Variants in SLC35F4 observed in about 807,000 individuals in gnomAD.
The protein encoded by SLC35F4 is solute carrier family 35 member F4.
Under a neutral mutation model 44.2 loss-of-function variants are expected in SLC35F4, and 24 were observed. The ratio of observed to expected loss-of-function variants is 0.54; its 90% CI spans 0.39 to 0.76. SLC35F4 has a LOEUF of 0.76. Ranked by LOEUF, SLC35F4 falls within the 30% of genes least tolerant of loss-of-function variation. The pLI, the probability that SLC35F4 is intolerant of heterozygous loss-of-function variation, is 0.00. For synonymous variants in SLC35F4, 238 were observed against 223.6 expected, an observed-to-expected ratio of 1.06 and a Z score of -0.57; for missense variants, 562 against 586.1, an observed-to-expected ratio of 0.96 and a Z score of 0.42.
chr14:57,564,312 G>A lies in SLC35F4; in HGVS notation c.1281C>T (p.Ile427=). 6.2e-7 allele frequency: 1 copy of A among 1,612,312 alleles called. No individual in the cohort carries two copies. The highest frequency in any genetic ancestry group is 8.5e-7 in the Non-Finnish European group (1 of 1,179,248). The change falls in exon 8 of 8, where the codon ATC becomes ATT. Residue 427 remains isoleucine, a synonymous_variant. Transcript: ENST00000556826. The stretch of plus-strand genomic sequence containing the variant: ...ACAGCATCAGCAGAAACCCAATGCA[G>A]ATGATGATGGTAGCAGCCAGGCGGA... ...NVVRLAATII[I]CIGFLLMLLP...
chr14:57,846,426 C>T lies in SLC35F4; in HGVS notation c.103+19297G>A, dbSNP rs183743296. On this transcript the variant is annotated intron_variant, in intron 1 of 7. Coordinates refer to ENST00000556826, the MANE Select transcript of SLC35F4 (RefSeq NM_001306087.2). ...GTCCTGAAACAAACAAACAAACAAACCAGGCAGCCTCCATAGGCCCCTGAA... is the reference window on the plus strand; with the variant it reads ...GTCCTGAAACAAACAAACAAACAAATCAGGCAGCCTCCATAGGCCCCTGAA... Among the ~76,000 whole-genome samples the T allele has an allele frequency of 2.1e-4, 32 of 152,326 alleles. No individual in the cohort carries two copies. In the East Asian group the frequency reaches 6.2e-3, roughly 29 times the overall value.
chr14:57,601,502 C>T (rs951383451), intron 1 of SLC35F4, among the ~76,000 whole-genome samples: 2 of 152,156 alleles, frequency 1.3e-5, no homozygotes, highest in Non-Finnish European at 2.9e-5. Flanking sequence ...CTATTGCTGC[C>T]ATCTTTATGT....
At chr14:57,751,936 CTGTG>C (rs938695833) in intron 1 of SLC35F4, among the ~76,000 whole-genome samples, 22 of 134,994 alleles carry the variant, frequency 1.6e-4, no homozygotes, top group Non-Finnish European at 3.1e-4. Context: ...CTCTCTCTCT[CTGTG>C]TGTGTGTGTG....
At chr14:57,832,857 A>T (rs1884523586) in intron 1 of SLC35F4, among the ~76,000 whole-genome samples, 1 of 152,210 alleles carries the variant, frequency 6.6e-6, no homozygotes, top group African/African-American at 2.4e-5. Context: ...ATTTTTTCAC[A>T]TTACAGTAAA....
At chr14:57,701,859 T>C (rs2075550498) in intron 1 of SLC35F4, among the ~76,000 whole-genome samples, 1 of 152,192 alleles carries the variant, frequency 6.6e-6, no homozygotes, top group Non-Finnish European at 1.5e-5. Context: ...GTATTGTACT[T>C]ACCCATTCTT....
chr14:57,862,018 T>A (rs1290369018), intron 1 of SLC35F4, among the ~76,000 whole-genome samples: 1 of 152,120 alleles, frequency 6.6e-6, no homozygotes, highest in Non-Finnish European at 1.5e-5. Flanking sequence ...TTACTCTACA[T>A]CTCCAATTAC....
intron 1 of SLC35F4, among the ~76,000 whole-genome samples, chr14:57,778,952 C>G (rs895348311): frequency 2.0e-5 from 3 of 152,110 alleles, no homozygotes; most frequent in Admixed American, 2.0e-4. Flanking sequence ...ATACCACAAT[C>G]TCTTGGACAC....
At chr14:57,581,142 A>G in intron 4 of SLC35F4, 72 bp downstream of exon 4, 2 of 1,402,970 alleles carry the variant, frequency 1.4e-6, no homozygotes, top group Non-Finnish European at 1.9e-6. Context: ...GAAACAAAGC[A>G]GACAGGCTCT....
rs1266973328 is a variant in SLC35F4 at position 57,629,754 on chromosome 14, C to G, written c.104-35630G>C. Reference sequence around the variant, plus strand: ...TACATGGGCACATAAGACAGGAACACAGGAAGCAGGGACAGAGCTCAGGAA... The same window carrying G: ...TACATGGGCACATAAGACAGGAACAGAGGAAGCAGGGACAGAGCTCAGGAA... On this transcript the variant is annotated intron_variant, in intron 1 of 7. Transcript: ENST00000556826. 5 of 273,354 alleles carry G rather than the reference C, an allele frequency of 1.8e-5. No homozygotes were observed. The South Asian group carries it at 2.1e-4, about 11-fold the overall frequency. 16.9% of individuals were successfully genotyped at this position (273,354 alleles called of 1,614,324 possible). A position where few individuals can be genotyped will look rare whatever the true frequency, so the allele number is the denominator to read the frequency against.
At chr14:57,726,105 T>C (rs867474821) in intron 1 of SLC35F4, among the ~76,000 whole-genome samples, 37 of 152,178 alleles carry the variant, frequency 2.4e-4, no homozygotes, top group African/African-American at 8.7e-4. Context: ...TGACCCAGAC[T>C]ATCAAGACTA....
chr14:57,615,797 T>C (rs1273187977), intron 1 of SLC35F4, among the ~76,000 whole-genome samples: 1 of 79,176 alleles, frequency 1.3e-5, no homozygotes, highest in Admixed American at 1.5e-4. Flanking sequence ...TACAAAACAA[T>C]ATTATGAGGC....
chr14:57,710,556 C>A (rs913909255), intron 1 of SLC35F4, among the ~76,000 whole-genome samples: 25 of 152,120 alleles, frequency 1.6e-4, no homozygotes, highest in African/African-American at 4.8e-4. Flanking sequence ...CTGGAAAAGC[C>A]ACAGATACTC....
At chr14:57,583,631 G>C (rs990844951) in intron 3 of SLC35F4, among the ~76,000 whole-genome samples, 10 of 152,192 alleles carry the variant, frequency 6.6e-5, no homozygotes, top group Non-Finnish European at 1.3e-4. Context: ...GGTGGAGACT[G>C]TTCTCACCTG....
At chr14:57,897,748 C>T (rs1342144871) in intron 1 of SLC35F4, among the ~76,000 whole-genome samples, 1 of 152,146 alleles carries the variant, frequency 6.6e-6, no homozygotes, top group East Asian at 1.9e-4. Flanking sequence ...TTTTGAACCA[C>T]AAATTATCTC....
chr14:57,932,714 T>A (rs1295897864), intron 1 of SLC35F4, among the ~76,000 whole-genome samples: 2 of 152,072 alleles, frequency 1.3e-5, no homozygotes, highest in South Asian at 2.1e-4. Context: ...TTGAGCATGG[T>A]GGCAGGCTCC....
At chr14:57,978,031 T>A (rs546947053) in intron 1 of SLC35F4, among the ~76,000 whole-genome samples, 5 of 152,140 alleles carry the variant, frequency 3.3e-5, no homozygotes, top group Non-Finnish European at 7.4e-5. Flanking sequence ...AGAAAGGGCA[T>A]GTGAATAAAC....
At chr14:57,760,946 T>G (rs2077110270) in intron 1 of SLC35F4, among the ~76,000 whole-genome samples, 1 of 152,140 alleles carries the variant, frequency 6.6e-6, no homozygotes, top group South Asian at 2.1e-4. Context: ...TCTCTCTGTA[T>G]AGTTCTCTCC....
upstream of SLC35F4, among the ~76,000 whole-genome samples, chr14:57,866,775 G>A (rs1888173003): frequency 6.6e-6 from 1 of 152,030 alleles, no homozygotes. Flanking sequence ...ACGAGTGAAA[G>A]TCTTAGCTAC....
At chr14:57,708,482 A>T (rs898337322) in intron 1 of SLC35F4, among the ~76,000 whole-genome samples, 8 of 152,212 alleles carry the variant, frequency 5.3e-5, no homozygotes, top group East Asian at 1.9e-4. Flanking sequence ...GTAGCAGACA[A>T]GGTGAACCCA....
Sources: gnomAD v4.1 joint callset for allele counts (sites outside exome capture counted in the v4.1 genomes callset) on GRCh38, gnomAD v4.1.1 for gene constraint, MANE v1.5 for transcripts, NCBI Gene and HGNC (gene_info 2026-07-23, HGNC 2026-07-21) for gene names.